BABAM2: variants seen among roughly 807,000 people sequenced by gnomAD.
BABAM2 encodes the protein BRISC and BRCA1 A complex member 2, also known as BRISC and BRCA1-A complex member 2.
In BABAM2, 31 loss-of-function variants were observed where a neutral mutation model predicts 54.7. The observed-to-expected ratio is 0.57, with a 90% CI of 0.43 to 0.77. The LOEUF is 0.77. BABAM2 is among the 30% of genes least tolerant of loss of function. The pLI is 0.00. For synonymous variants in BABAM2, 167 were observed against 162.9 expected, an observed-to-expected ratio of 1.03 and a Z score of -0.19; for missense variants, 364 against 455.8, an observed-to-expected ratio of 0.80 and a Z score of 1.83.
intron 7 of BABAM2, among the ~76,000 whole-genome samples, chr2:28,149,858 A>G (rs1358928451): frequency 6.6e-6 from 1 of 152,208 alleles, no homozygotes; most frequent in African/African-American, 2.4e-5. Flanking sequence ...AGCTCCTGCC[A>G]TAGTGTATTT....
intron 10 of BABAM2, among the ~76,000 whole-genome samples, chr2:28,270,217 A>G (rs955367086): frequency 6.6e-6 from 1 of 151,868 alleles, no homozygotes; most frequent in African/African-American, 2.4e-5. Context: ...AAACTCCTAG[A>G]CTCAAGCCAT....
chr2:27,966,340 G>A (rs1482278557), intron 3 of BABAM2, among the ~76,000 whole-genome samples: 1 of 152,104 alleles, frequency 6.6e-6, no homozygotes, highest in Non-Finnish European at 1.5e-5. Context: ...TTATTTTCCA[G>A]TTTTCAAAAT....
chr2:28,230,078 TCA>T (rs1305376009), intron 7 of BABAM2, among the ~76,000 whole-genome samples: 1 of 152,206 alleles, frequency 6.6e-6, no homozygotes, highest in East Asian at 1.9e-4. Context: ...TACAGTACTC[TCA>T]CAGAGTCCTT....
At chr2:28,260,045 C>T (rs1684354108) in intron 10 of BABAM2, among the ~76,000 whole-genome samples, 1 of 151,888 alleles carries the variant, frequency 6.6e-6, no homozygotes, top group South Asian at 2.1e-4. Context: ...GGATTACAGG[C>T]ACATGCCACC....
intron 11 of BABAM2, chr2:28,327,222 A>C (rs949017833): frequency 7.7e-6 from 12 of 1,551,584 alleles, no homozygotes; most frequent in Non-Finnish European, 1.0e-5. Context: ...CCCTCCCTCC[A>C]TTTAGCCAGC....
chr2:28,079,255 A>G (rs1300329482), intron 6 of BABAM2, among the ~76,000 whole-genome samples: 2 of 152,176 alleles, frequency 1.3e-5, no homozygotes, highest in African/African-American at 4.8e-5. Flanking sequence ...GGGGCTACAC[A>G]GGCCCTTCCT....
chr2:28,088,188 T>C (rs1665845821), intron 6 of BABAM2, among the ~76,000 whole-genome samples: 1 of 152,240 alleles, frequency 6.6e-6, no homozygotes, highest in East Asian at 1.9e-4. Flanking sequence ...TTTCTTATTT[T>C]TTTTTAACAA....
At chr2:28,118,917 G>C (rs1668828916) in intron 6 of BABAM2, among the ~76,000 whole-genome samples, 1 of 151,850 alleles carries the variant, frequency 6.6e-6, no homozygotes, top group Non-Finnish European at 1.5e-5. Context: ...TGTAAGGAAG[G>C]GGTCCAGTTT....
chr2:28,055,387 C>A (rs1309164837), intron 6 of BABAM2, among the ~76,000 whole-genome samples: 1 of 152,034 alleles, frequency 6.6e-6, no homozygotes, highest in Non-Finnish European at 1.5e-5. Context: ...GTATAACAAA[C>A]CTGCACATGT....
intron 3 of BABAM2, among the ~76,000 whole-genome samples, chr2:27,985,666 C>A (rs1263652239): frequency 1.3e-5 from 2 of 152,064 alleles, no homozygotes; most frequent in African/African-American, 4.8e-5. Context: ...CATGTCTGTT[C>A]TGTGGATGCT....
intron 2 of BABAM2, among the ~76,000 whole-genome samples, chr2:27,902,792 A>G (rs981307104): frequency 2.0e-5 from 3 of 152,082 alleles, no homozygotes; most frequent in Non-Finnish European, 4.4e-5. Context: ...TGTGGCATAT[A>G]TTCTTATTTT....
At chr2:27,906,261 C>T (rs1666182104) in intron 2 of BABAM2, among the ~76,000 whole-genome samples, 1 of 152,090 alleles carries the variant, frequency 6.6e-6, no homozygotes, top group Non-Finnish European at 1.5e-5. Context: ...TTACTGAGGG[C>T]AGGATGTCCA....
At chr2:27,987,202 A>C (rs1317053453) in intron 3 of BABAM2, among the ~76,000 whole-genome samples, 1 of 152,200 alleles carries the variant, frequency 6.6e-6, no homozygotes, top group African/African-American at 2.4e-5. Context: ...GCTCAAGATC[A>C]CTTGAGCTAA....
intron 10 of BABAM2, among the ~76,000 whole-genome samples, chr2:28,268,073 C>T (rs547957179): frequency 2.0e-5 from 3 of 152,208 alleles, no homozygotes; most frequent in South Asian, 2.1e-4. Context: ...AGGAGACACA[C>T]GATAGAATTT....
At chr2:28,142,255 A>G (rs1007363336) in intron 7 of BABAM2, among the ~76,000 whole-genome samples, 2 of 152,194 alleles carry the variant, frequency 1.3e-5, no homozygotes, top group Non-Finnish European at 2.9e-5. Flanking sequence ...TAATGACTTA[A>G]TGAATGGGGA....
chr2:28,300,179 T>A (rs145611570), intron 11 of BABAM2, among the ~76,000 whole-genome samples: 1,869 of 152,260 alleles, frequency 0.012, 38 homozygotes, highest in African/African-American at 0.043. Flanking sequence ...CCTCAGGTGA[T>A]CCGCCCACCT....
At chr2:28,110,770 G>A in intron 6 of BABAM2, among the ~76,000 whole-genome samples, 1 of 151,988 alleles carries the variant, frequency 6.6e-6, no homozygotes. Flanking sequence ...TTAACTTTTT[G>A]AGAAACTGCC....
chr2:28,194,283 G>A (rs975561956), intron 7 of BABAM2, among the ~76,000 whole-genome samples: 1 of 152,078 alleles, frequency 6.6e-6, no homozygotes, highest in Non-Finnish European at 1.5e-5. Context: ...AAATCAACAT[G>A]ACTGACTTGC....
chr2:28,161,488 C>G (rs1221352920), intron 7 of BABAM2, among the ~76,000 whole-genome samples: 1 of 152,286 alleles, frequency 6.6e-6, no homozygotes, highest in Middle Eastern at 3.4e-3. Context: ...TCCCCATTTT[C>G]AGAGTCTCTG....
Sources: gnomAD v4.1 joint callset for allele counts (sites outside exome capture counted in the v4.1 genomes callset) on GRCh38, gnomAD v4.1.1 for gene constraint, MANE v1.5 for transcripts, NCBI Gene and HGNC (gene_info 2026-07-23, HGNC 2026-07-21) for gene names.